NKAIN2: variants seen among roughly 807,000 people sequenced by gnomAD.
NKAIN2 encodes the protein sodium/potassium transporting ATPase interacting 2.
NKAIN2 carries 14 observed loss-of-function variants against 32.6 expected under a neutral mutation model. That is an observed-to-expected ratio of 0.43 (90% CI 0.28 to 0.67). The LOEUF (loss-of-function observed/expected upper bound fraction) is 0.67. Ranked by LOEUF, NKAIN2 falls within the 30% of genes least tolerant of loss-of-function variation. The pLI is 0.17. For synonymous variants in NKAIN2, 80 were observed against 87.2 expected, an observed-to-expected ratio of 0.92 and a Z score of 0.46; for missense variants, 198 against 258.3, an observed-to-expected ratio of 0.77 and a Z score of 1.60.
chr6:124,202,390 T>C (rs1409326142), intron 1 of NKAIN2, among the ~76,000 whole-genome samples: 3 of 151,938 alleles, frequency 2.0e-5, no homozygotes, highest in Non-Finnish European at 2.9e-5. Context: ...AATTATGTTT[T>C]TTATGCACTG....
intron 3 of NKAIN2, among the ~76,000 whole-genome samples, chr6:124,643,527 T>C (rs1048825835): frequency 3.9e-5 from 6 of 152,166 alleles, no homozygotes; most frequent in African/African-American, 1.2e-4. Context: ...TATATTTTAT[T>C]TTTATACCTA....
intron 1 of NKAIN2, among the ~76,000 whole-genome samples, chr6:124,155,668 T>C (rs539608285): frequency 1.4e-4 from 21 of 151,316 alleles, no homozygotes; most frequent in African/African-American, 4.9e-4. Flanking sequence ...TTCCATGATA[T>C]GGAGATAAAT....
At chr6:123,901,475 C>T (rs1022296958) in intron 1 of NKAIN2, among the ~76,000 whole-genome samples, 4 of 152,060 alleles carry the variant, frequency 2.6e-5, no homozygotes, top group Admixed American at 6.6e-5. Flanking sequence ...GTATACCAAG[C>T]GTTTCCTTTG....
intron 3 of NKAIN2, among the ~76,000 whole-genome samples, chr6:124,524,797 T>G (rs1427787370): frequency 1.3e-5 from 2 of 152,210 alleles, no homozygotes; most frequent in African/African-American, 2.4e-5. Context: ...TGCTTTTGAA[T>G]CAATATGCTT....
At chr6:124,147,080 C>G (rs974248657) in intron 1 of NKAIN2, among the ~76,000 whole-genome samples, 16 of 152,162 alleles carry the variant, frequency 1.1e-4, no homozygotes, top group African/African-American at 3.9e-4. Context: ...TGTGTTTTCT[C>G]TGGTAATACT....
chr6:124,178,328 C>G (rs1470040862), intron 1 of NKAIN2, among the ~76,000 whole-genome samples: 1 of 148,468 alleles, frequency 6.7e-6, no homozygotes, highest in Non-Finnish European at 1.5e-5. Context: ...GACAGAGTCT[C>G]GCTCTGTTGC....
intron 3 of NKAIN2, among the ~76,000 whole-genome samples, chr6:124,588,602 A>G (rs1166500353): frequency 6.6e-6 from 1 of 152,266 alleles, no homozygotes; most frequent in East Asian, 1.9e-4. Flanking sequence ...ATATATATTA[A>G]TAATTTGGTG....
At chr6:124,690,978 G>A (rs945018622) in intron 4 of NKAIN2, among the ~76,000 whole-genome samples, 11 of 152,120 alleles carry the variant, frequency 7.2e-5, no homozygotes, top group Non-Finnish European at 1.3e-4. Context: ...AATGTGCCTG[G>A]AGTAAGTGTT....
intron 4 of NKAIN2, among the ~76,000 whole-genome samples, chr6:124,724,737 T>C (rs773701327): frequency 1.3e-5 from 2 of 152,218 alleles, no homozygotes; most frequent in Non-Finnish European, 2.9e-5. Context: ...CTTCAGTCTT[T>C]AGCACAGTTT....
chr6:124,245,196 G>T (rs767942098), intron 1 of NKAIN2, among the ~76,000 whole-genome samples: 14 of 152,034 alleles, frequency 9.2e-5, no homozygotes, highest in African/African-American at 2.7e-4. Context: ...TCTTAAACCA[G>T]ATAGTATTTT....
chr6:124,497,793 A>T (rs1156783868), intron 3 of NKAIN2, among the ~76,000 whole-genome samples: 1 of 147,982 alleles, frequency 6.8e-6, no homozygotes, highest in Non-Finnish European at 1.5e-5. Context: ...TTCAAATTTC[A>T]CAGTTTTAGA....
At chr6:124,157,678 G>T (rs1788061137) in intron 1 of NKAIN2, among the ~76,000 whole-genome samples, 1 of 152,066 alleles carries the variant, frequency 6.6e-6, no homozygotes, top group Non-Finnish European at 1.5e-5. Context: ...TTCCCATTAA[G>T]TGGCTCTAAC....
chr6:124,546,840 A>G (rs1780111193), intron 3 of NKAIN2, among the ~76,000 whole-genome samples: 1 of 150,470 alleles, frequency 6.6e-6, no homozygotes, highest in Admixed American at 6.6e-5. Flanking sequence ...TGAATAGGAG[A>G]AGAACATCTC....
chr6:123,823,214 A>G (rs1376516395), intron 1 of NKAIN2: 3 of 152,246 alleles, frequency 2.0e-5, no homozygotes, highest in East Asian at 3.8e-4. Flanking sequence ...CACTTTTGAC[A>G]TAACAGTACG....
At chr6:124,810,381 G>A (rs1010952779) in intron 5 of NKAIN2, among the ~76,000 whole-genome samples, 3 of 151,702 alleles carry the variant, frequency 2.0e-5, no homozygotes, top group Non-Finnish European at 2.9e-5. Flanking sequence ...ACTATCACAA[G>A]AACAAAAAAC....
chr6:123,814,782 T>A (rs573378488), intron 1 of NKAIN2, among the ~76,000 whole-genome samples: 98 of 152,318 alleles, frequency 6.4e-4, no homozygotes, highest in African/African-American at 2.3e-3. Flanking sequence ...ATCTTTTAAT[T>A]TAATATTTCA....
intron 1 of NKAIN2, among the ~76,000 whole-genome samples, chr6:124,276,130 C>T (rs941321274): frequency 6.6e-6 from 1 of 151,470 alleles, no homozygotes; most frequent in African/African-American, 2.4e-5. Context: ...GTTGTGGTGG[C>T]GGTGGTGATT....
intron 3 of NKAIN2, among the ~76,000 whole-genome samples, chr6:124,581,912 A>G (rs191953310): frequency 6.6e-6 from 1 of 152,318 alleles, no homozygotes; most frequent in Non-Finnish European, 1.5e-5. Context: ...CTACATTTAA[A>G]AAGAAAATAA....
intron 1 of NKAIN2, among the ~76,000 whole-genome samples, chr6:124,206,230 G>C (rs1790876773): frequency 6.6e-6 from 1 of 151,844 alleles, no homozygotes; most frequent in African/African-American, 2.4e-5. Flanking sequence ...TGTTGTGCTA[G>C]TTGTTTCTTG....
Sources: allele counts gnomAD v4.1 joint callset (sites outside exome capture counted in the v4.1 genomes callset), GRCh38; gene constraint gnomAD v4.1.1; transcripts MANE v1.5; gene names NCBI Gene and HGNC (gene_info 2026-07-23, HGNC 2026-07-21).